Variants in MPPED2 observed in about 807,000 individuals in gnomAD.
MPPED2 encodes the protein metallophosphoesterase MPPED2.
In MPPED2, 5 loss-of-function variants were observed where a neutral mutation model predicts 33.0. That is an observed-to-expected ratio of 0.15 (90% CI 0.08 to 0.32). MPPED2 has a LOEUF of 0.32. MPPED2 is among the 10% of genes least tolerant of loss of function. The pLI is 1.00. For missense variants in MPPED2, 275 were observed against 372.1 expected (o/e 0.74, Z 2.15); for synonymous variants, 136 against 141.9 (o/e 0.96, Z 0.29).
Position 30,390,207 on chromosome 11 carries a change from A to T in MPPED2, c.767-1251T>A, listed in dbSNP as rs1370002943. On this transcript the variant is annotated intron_variant, in intron 6 of 6. Transcript: ENST00000448418. ...TTGAGTTCAAATAACAAATTCAACA[A>T]CACTTTTTGAGCACTGGCATGTAGA... is the stretch of plus-strand genomic sequence containing the variant. Among the ~76,000 whole-genome samples the T allele has an allele frequency of 2.6e-5, 4 of 152,216 alleles. No individual in the cohort carries two copies. The East Asian group carries it at 7.7e-4, about 29-fold the overall frequency.
intron 2 of MPPED2, among the ~76,000 whole-genome samples, chr11:30,552,582 T>C (rs1257869821): frequency 2.0e-5 from 3 of 152,232 alleles, no homozygotes. Context: ...TCTTTCTTTC[T>C]GTTTTTGTTT....
Position 30,459,222 on chromosome 11 carries a change from T to C in MPPED2, c.536+36074A>G, listed in dbSNP as rs190960406. Among the ~76,000 whole-genome samples, 620 of 152,284 alleles carry C rather than the reference T, an allele frequency of 4.1e-3. 7 individuals carry two copies. The highest frequency in any genetic ancestry group is 0.014 in the African/African-American group (584 of 41,544). On this transcript the variant is annotated intron_variant, in intron 4 of 6. Coordinates refer to ENST00000358117, the MANE Select transcript of MPPED2 (RefSeq NM_001584.3). ...CACAGTTCTTAAGGTAAAGGAGTTT[T>C]TGTTCAATCCTCAGAAATTTAAATT...
At chr11:30,429,496 A>C (rs963467093) in intron 4 of MPPED2, among the ~76,000 whole-genome samples, 3 of 152,232 alleles carry the variant, frequency 2.0e-5, no homozygotes, top group Non-Finnish European at 4.4e-5. Context: ...AGGAATGAGT[A>C]AAAAGCTTAG....
chr11:30,475,720 G>C (rs960218155), intron 4 of MPPED2, among the ~76,000 whole-genome samples: 1 of 152,084 alleles, frequency 6.6e-6, no homozygotes, highest in Non-Finnish European at 1.5e-5. Context: ...GAATATTTGT[G>C]TACAAGTCTT....
chr11:30,577,482 C>T (rs1479611415), intron 2 of MPPED2, among the ~76,000 whole-genome samples: 1 of 152,110 alleles, frequency 6.6e-6, no homozygotes, highest in Non-Finnish European at 1.5e-5. Flanking sequence ...ATATCTTTAC[C>T]TCGGGGAGAG....
In MPPED2 at chr11:30,448,874, G is replaced by A. The variant is rs532678527; in HGVS notation, c.537-31241C>T. Among the ~76,000 whole-genome samples, 10 of 151,722 alleles carry A rather than the reference G, an allele frequency of 6.6e-5. No individual in the cohort carries two copies. The South Asian group carries it at 1.2e-3, about 19-fold the overall frequency. ...GTTTCTCCATGTTGGTCAGGATCTC[G>A]AACTCCCGACCTCAGGTGATCTGCC... is the stretch of plus-strand genomic sequence containing the variant. On this transcript the variant is annotated intron_variant, in intron 4 of 6. Coordinates refer to ENST00000358117, the MANE Select transcript of MPPED2 (RefSeq NM_001584.3).
rs1050255641 is a variant in MPPED2 at position 30,541,810 on chromosome 11, T to C, written c.129-5635A>G. ...TTTCACCATGTTGGCCAGGGTGGTCTCAAACTCCTGACCTCAAGTGATCCA... is the reference window on the plus strand; with the variant it reads ...TTTCACCATGTTGGCCAGGGTGGTCCCAAACTCCTGACCTCAAGTGATCCA... On this transcript the variant is annotated intron_variant, in intron 2 of 6. Transcript: ENST00000358117. 8.5e-5 allele frequency among the ~76,000 whole-genome samples: 13 copies of C among 152,178 alleles called. 1 individual carries two copies. The highest frequency in any genetic ancestry group is 1.9e-4 in the Non-Finnish European group (13 of 68,042).
At chr11:30,585,154 T>C (rs1460780543) in intron 1 of MPPED2, among the ~76,000 whole-genome samples, 1 of 152,166 alleles carries the variant, frequency 6.6e-6, no homozygotes, top group Non-Finnish European at 1.5e-5. Context: ...TTTACAAAGA[T>C]AACCTTGTTA....
Position 30,411,438 on chromosome 11 carries a change from C to T in MPPED2, c.*30G>A. 6.2e-7 allele frequency: 1 copy of T among 1,600,620 alleles called. No individual in the cohort carries two copies. The highest frequency in any genetic ancestry group is 8.5e-7 in the Non-Finnish European group (1 of 1,171,318). Reference sequence around the variant, plus strand: ...AGAAAAATGGCAGTTTATAGACCTTCCCTCACATTCCAATAGGGCATTTAG... The same window carrying T: ...AGAAAAATGGCAGTTTATAGACCTTTCCTCACATTCCAATAGGGCATTTAG... On this transcript the variant is annotated 3_prime_UTR_variant, in exon 7 of 7. Transcript: ENST00000358117.
chr11:30,537,873 C>T (rs906759313), intron 2 of MPPED2, among the ~76,000 whole-genome samples: 6 of 152,098 alleles, frequency 3.9e-5, no homozygotes, highest in African/African-American at 1.2e-4. Flanking sequence ...CTCATTATAG[C>T]CGATGTTGCT....
At chr11:30,555,734 A>G (rs531247949) in intron 2 of MPPED2, among the ~76,000 whole-genome samples, 2 of 151,776 alleles carry the variant, frequency 1.3e-5, no homozygotes, top group African/African-American at 4.8e-5. Flanking sequence ...AGTCCATTAA[A>G]CCTCTTTTTC....
chr11:30,410,075 G>C (rs1948049653), downstream of MPPED2: 2 of 979,230 alleles, frequency 2.0e-6, no homozygotes, highest in Non-Finnish European at 2.4e-6. Flanking sequence ...TGTGAATGGT[G>C]GGTAATAAAA....
intron 4 of MPPED2, among the ~76,000 whole-genome samples, chr11:30,434,998 C>T (rs980561): frequency 0.24 from 36,810 of 152,104 alleles, 5,320 homozygotes; most frequent in Non-Finnish European, 0.33. Context: ...AATATTTCTT[C>T]TTCTCCTTCA....
At chr11:30,403,928 A>T (rs1590161776) in intron 6 of MPPED2, among the ~76,000 whole-genome samples, 1 of 152,346 alleles carries the variant, frequency 6.6e-6, no homozygotes, top group Non-Finnish European at 1.5e-5. Flanking sequence ...TCAGATATGT[A>T]GTACCCTTTC....
chr11:30,435,819 C>G (rs560665847), intron 4 of MPPED2, among the ~76,000 whole-genome samples: 39 of 152,272 alleles, frequency 2.6e-4, no homozygotes, highest in South Asian at 1.9e-3. Flanking sequence ...AGTGGCAGAG[C>G]TGGGATTTGG....
chr11:30,399,115 C>T (rs551193085), intron 6 of MPPED2, among the ~76,000 whole-genome samples: 1 of 152,016 alleles, frequency 6.6e-6, no homozygotes, highest in Admixed American at 6.6e-5. Flanking sequence ...AGATATTGTC[C>T]TCTTTGACCT....
chr11:30,483,152 T>C (rs1164328431), intron 4 of MPPED2, among the ~76,000 whole-genome samples: 2 of 152,174 alleles, frequency 1.3e-5, no homozygotes, highest in East Asian at 1.9e-4. Context: ...AGACCCAGCA[T>C]TGTACACACA....
intron 4 of MPPED2, among the ~76,000 whole-genome samples, chr11:30,468,017 C>T (rs865937763): frequency 4.7e-5 from 7 of 148,296 alleles, no homozygotes; most frequent in Middle Eastern, 3.2e-3. Context: ...AGAGGCCCCC[C>T]GATGCAAGTA....
At chr11:30,563,912 T>G (rs940819167) in intron 2 of MPPED2, among the ~76,000 whole-genome samples, 8 of 152,172 alleles carry the variant, frequency 5.3e-5, no homozygotes, top group African/African-American at 1.9e-4. Flanking sequence ...AGGTAACTTG[T>G]GCTGGGAAAT....
Sources: gnomAD v4.1 joint callset for allele counts (sites outside exome capture counted in the v4.1 genomes callset) on GRCh38, gnomAD v4.1.1 for gene constraint, MANE v1.5 for transcripts, NCBI Gene and HGNC (gene_info 2026-07-23, HGNC 2026-07-21) for gene names.